Variants in PALM2AKAP2 observed in about 807,000 individuals in gnomAD.
PALM2AKAP2 encodes PALM2-AKAP2 fusion protein.
PALM2AKAP2 carries 37 observed loss-of-function variants against 71.5 expected under a neutral mutation model. The ratio of observed to expected loss-of-function variants is 0.52; its 90% confidence interval spans 0.40 to 0.68. The LOEUF is 0.68. PALM2AKAP2 is among the 30% of genes least tolerant of loss of function. The pLI is 0.00. For synonymous variants in PALM2AKAP2, 468 were observed against 478.8 expected, an observed-to-expected ratio of 0.98 and a Z score of 0.29; for missense variants, 1,224 against 1,191.8, an observed-to-expected ratio of 1.03 and a Z score of -0.40.
At chr9:109,701,671 C>T (rs368748643) in intron 1 of PALM2AKAP2, among the ~76,000 whole-genome samples, 4 of 152,014 alleles carry the variant, frequency 2.6e-5, no homozygotes, top group Non-Finnish European at 5.9e-5. Context: ...TACCATTCAG[C>T]ACATAGGCAT....
chr9:110,002,017 T>G (rs538512919), intron 6 of PALM2AKAP2, among the ~76,000 whole-genome samples: 1 of 152,132 alleles, frequency 6.6e-6, no homozygotes, highest in African/African-American at 2.4e-5. Context: ...TCCTTCTCCT[T>G]CCTGATTGCC....
At chr9:109,869,822 G>C (rs193219789) in intron 2 of PALM2AKAP2, among the ~76,000 whole-genome samples, 22 of 152,258 alleles carry the variant, frequency 1.4e-4, no homozygotes, top group Admixed American at 3.9e-4. Flanking sequence ...TTGGCTATCT[G>C]AAGGAACACC....
At chr9:110,034,458 TC>T (rs1291886193) in intron 7 of PALM2AKAP2, among the ~76,000 whole-genome samples, 1 of 151,918 alleles carries the variant, frequency 6.6e-6, no homozygotes. Context: ...ACACCCAGCC[TC>T]TTTTGCATGT....
At chr9:110,148,669 C>T (rs1836237127) in intron 2 of PALM2AKAP2, 1 of 152,176 alleles carries the variant, frequency 6.6e-6, no homozygotes, top group South Asian at 2.1e-4. Context: ...GAAAGGAGGT[C>T]ATTGAAGGAG....
intron 2 of PALM2AKAP2, among the ~76,000 whole-genome samples, chr9:110,147,730 G>A (rs995900734): frequency 2.0e-5 from 3 of 152,208 alleles, no homozygotes; most frequent in East Asian, 1.9e-4. Context: ...TGGTCATGCC[G>A]CTGAACTCCA....
chr9:109,986,218 A>C (rs1832376163), intron 6 of PALM2AKAP2, among the ~76,000 whole-genome samples: 1 of 151,870 alleles, frequency 6.6e-6, no homozygotes, highest in Non-Finnish European at 1.5e-5. Context: ...TTTAGGGGGT[A>C]AAAGTGTATT....
intron 6 of PALM2AKAP2, among the ~76,000 whole-genome samples, chr9:109,994,221 C>G (rs927456666): frequency 6.6e-6 from 1 of 152,172 alleles, no homozygotes; most frequent in African/African-American, 2.4e-5. Context: ...TAAAAATTTG[C>G]ATGTGTGTCC....
At chr9:109,827,604 G>T (rs758325036) in intron 1 of PALM2AKAP2, among the ~76,000 whole-genome samples, 1 of 152,042 alleles carries the variant, frequency 6.6e-6, no homozygotes, top group Non-Finnish European at 1.5e-5. Flanking sequence ...GTGAGACTCC[G>T]TCTAAAAAAA....
intron 1 of PALM2AKAP2, among the ~76,000 whole-genome samples, chr9:109,819,948 C>A (rs536230678): frequency 6.6e-6 from 1 of 152,140 alleles, no homozygotes; most frequent in African/African-American, 2.4e-5. Context: ...AAATTGGGAA[C>A]AATTCAATAG....
intron 6 of PALM2AKAP2, among the ~76,000 whole-genome samples, chr9:109,934,087 A>T (rs1476997833): frequency 1.3e-5 from 2 of 152,156 alleles, no homozygotes; most frequent in East Asian, 1.9e-4. Flanking sequence ...AAGGTTTGGG[A>T]CTCTGTATAA....
intron 3 of PALM2AKAP2, among the ~76,000 whole-genome samples, chr9:110,164,659 T>C (rs1419218973): frequency 6.6e-6 from 1 of 151,888 alleles, no homozygotes; most frequent in Non-Finnish European, 1.5e-5. Flanking sequence ...ACCTCCTAAG[T>C]AGCTGGGACT....
chr9:109,967,406 C>G (rs1016469867), intron 6 of PALM2AKAP2, among the ~76,000 whole-genome samples: 1 of 150,282 alleles, frequency 6.7e-6, no homozygotes, highest in Non-Finnish European at 1.5e-5. Flanking sequence ...AGTGAGACTC[C>G]GTGTCTTTTT....
At chr9:109,721,704 C>G (rs185141125) in intron 1 of PALM2AKAP2, among the ~76,000 whole-genome samples, 1 of 152,276 alleles carries the variant, frequency 6.6e-6, no homozygotes. Context: ...CCCCCACACC[C>G]GCTTCTTTCT....
At chr9:109,740,477 A>G (rs1196484266) in intron 1 of PALM2AKAP2, among the ~76,000 whole-genome samples, 1 of 152,244 alleles carries the variant, frequency 6.6e-6, no homozygotes, top group Non-Finnish European at 1.5e-5. Flanking sequence ...TTGGGGTAAC[A>G]ATTTCCAGAC....
intron 1 of PALM2AKAP2, among the ~76,000 whole-genome samples, chr9:109,797,648 C>T (rs945711746): frequency 6.6e-6 from 1 of 152,236 alleles, no homozygotes; most frequent in Non-Finnish European, 1.5e-5. Context: ...CCCCGTTGCA[C>T]ACCTTGGCTG....
At chr9:109,842,869 G>A (rs1050408936) in intron 1 of PALM2AKAP2, among the ~76,000 whole-genome samples, 6 of 151,818 alleles carry the variant, frequency 4.0e-5, no homozygotes, top group African/African-American at 9.7e-5. Flanking sequence ...CAAACAGTTC[G>A]GTGGCTCACG....
intron 1 of PALM2AKAP2, among the ~76,000 whole-genome samples, chr9:110,050,319 G>A (rs1033948174): frequency 2.0e-5 from 3 of 152,086 alleles, no homozygotes; most frequent in Non-Finnish European, 4.4e-5. Flanking sequence ...GGATCCCAGG[G>A]AATTTGCTTC....
chr9:109,717,342 A>C (rs1463570480), intron 1 of PALM2AKAP2, among the ~76,000 whole-genome samples: 1 of 152,178 alleles, frequency 6.6e-6, no homozygotes, highest in Non-Finnish European at 1.5e-5. Context: ...AGGCTGGCTC[A>C]GAGTTTAGGA....
At chr9:109,839,615 A>G (rs568306905) in intron 1 of PALM2AKAP2, among the ~76,000 whole-genome samples, 4 of 152,364 alleles carry the variant, frequency 2.6e-5, no homozygotes, top group South Asian at 2.1e-4. Flanking sequence ...TGCAGATGAC[A>G]TGATTGTACA....
Sources: gnomAD v4.1 joint callset for allele counts (sites outside exome capture counted in the v4.1 genomes callset) on GRCh38, gnomAD v4.1.1 for gene constraint, MANE v1.5 for transcripts, NCBI Gene and HGNC (gene_info 2026-07-23, HGNC 2026-07-21) for gene names.